Variants in CCDC178 observed in about 807,000 individuals in gnomAD.
CCDC178 encodes coiled-coil domain-containing protein 178.
Under a neutral mutation model 117.4 loss-of-function variants are expected in CCDC178, and 126 were observed. That is an observed-to-expected ratio of 1.07 (90% CI 0.93 to 1.24). The LOEUF (loss-of-function observed/expected upper bound fraction) is 1.24. CCDC178 is among the 50% of genes most tolerant of loss of function. The pLI, the probability that CCDC178 is intolerant of heterozygous loss-of-function variation, is 0.00. For synonymous variants in CCDC178, 283 were observed against 313.4 expected (o/e 0.90, Z 1.02); for missense variants, 1,030 against 986.9 (o/e 1.04, Z -0.59).
At chr18:33,173,107 T>C (rs190907051) in intron 20 of CCDC178, among the ~76,000 whole-genome samples, 2 of 152,294 alleles carry the variant, frequency 1.3e-5, no homozygotes, top group Admixed American at 1.3e-4. Flanking sequence ...TGGATTGCAG[T>C]GGCATGACCT....
At chr18:33,026,230 G>A (rs2037043601) in intron 21 of CCDC178, among the ~76,000 whole-genome samples, 1 of 152,020 alleles carries the variant, frequency 6.6e-6, no homozygotes, top group Non-Finnish European at 1.5e-5. Context: ...AGGAATGTGG[G>A]TGTGGTTATA....
chr18:33,050,957 G>T (rs921494752), intron 21 of CCDC178, among the ~76,000 whole-genome samples: 2 of 152,092 alleles, frequency 1.3e-5, no homozygotes, highest in African/African-American at 2.4e-5. Context: ...CTGTCACTGA[G>T]GCTAGAGTGC....
intron 21 of CCDC178, among the ~76,000 whole-genome samples, chr18:33,015,879 C>T (rs1017175087): frequency 3.3e-5 from 5 of 152,082 alleles, no homozygotes; most frequent in East Asian, 1.9e-4. Flanking sequence ...TGGAGGGGCT[C>T]AACAACAGAC....
intron 20 of CCDC178, among the ~76,000 whole-genome samples, chr18:33,156,641 C>CAAAAAAAAAAAAAAAAA (rs35712594): frequency 1.0e-5 from 1 of 99,242 alleles, no homozygotes; most frequent in African/African-American, 4.0e-5. Flanking sequence ...TCCTCCCTCT[C>CAAAAAAAAAAAAAAAAA]AAAAAAAAAA....
chr18:32,968,004 C>T (rs754603135), intron 22 of CCDC178, among the ~76,000 whole-genome samples: 1 of 151,654 alleles, frequency 6.6e-6, no homozygotes, highest in Non-Finnish European at 1.5e-5. Context: ...TTTGTGACAG[C>T]ACTCAAAAAC....
intron 5 of CCDC178, among the ~76,000 whole-genome samples, chr18:33,388,938 T>C (rs1304326601): frequency 3.3e-5 from 5 of 151,622 alleles, no homozygotes; most frequent in Non-Finnish European, 7.4e-5. Context: ...AGCTGAACAA[T>C]GAGAGCACGT....
intron 21 of CCDC178, among the ~76,000 whole-genome samples, chr18:33,016,880 G>T (rs2056002979): frequency 2.0e-5 from 3 of 151,410 alleles, no homozygotes; most frequent in South Asian, 2.1e-4. Context: ...GAAAAACTTA[G>T]CAAAATGACA....
In CCDC178 at chr18:33,365,781, TAAATA is replaced by T. The variant is rs141398068; in HGVS notation, c.348+4264_348+4268del. Among the ~76,000 whole-genome samples, 570 of 152,216 alleles carry T rather than the reference TAAATA, an allele frequency of 3.7e-3. 7 individuals are homozygous for T. Among genetic ancestry groups the T allele is most frequent in the African/African-American group, 0.013 (533 of 41,544 alleles). On this transcript the variant is annotated intron_variant, in intron 6 of 22. Transcript: ENST00000383096. ...TAATTCTGTAGTGCTCACTCTAAAT[TAAATA>T]AAACTATTTACAGTCTAGGCAGTCT...
intron 14 of CCDC178, among the ~76,000 whole-genome samples, chr18:33,250,755 C>T (rs997882050): frequency 6.6e-6 from 1 of 151,256 alleles, no homozygotes; most frequent in African/African-American, 2.4e-5. Flanking sequence ...AAACTATACC[C>T]GAAAAATTTC....
chr18:33,040,811 C>A (rs779288707), intron 21 of CCDC178, among the ~76,000 whole-genome samples: 1 of 151,868 alleles, frequency 6.6e-6, no homozygotes, highest in East Asian at 1.9e-4. Flanking sequence ...ACATGGTAAG[C>A]CTTTCCTGAG....
intron 21 of CCDC178, among the ~76,000 whole-genome samples, chr18:33,068,082 A>T (rs1236357284): frequency 6.6e-6 from 1 of 152,116 alleles, no homozygotes; most frequent in Non-Finnish European, 1.5e-5. Flanking sequence ...AAATGAATGA[A>T]TTCCTGGACA....
At chr18:33,044,512 C>T (rs1202310951) in intron 21 of CCDC178, among the ~76,000 whole-genome samples, 3 of 149,922 alleles carry the variant, frequency 2.0e-5, no homozygotes, top group African/African-American at 7.4e-5. Flanking sequence ...ATTAAAAAAA[C>T]AAACAAACAA....
At chr18:33,184,992 C>G (rs1478843906) in intron 20 of CCDC178, among the ~76,000 whole-genome samples, 1 of 151,848 alleles carries the variant, frequency 6.6e-6, no homozygotes, top group East Asian at 1.9e-4. Context: ...CTATACGAGA[C>G]CAAAAAGACT....
chr18:33,222,697 T>C (rs1342605250), intron 18 of CCDC178, among the ~76,000 whole-genome samples: 1 of 152,110 alleles, frequency 6.6e-6, no homozygotes, highest in African/African-American at 2.4e-5. Context: ...GCAATTCCCC[T>C]TTTCCTTCCT....
chr18:33,297,873 C>T (rs1003456247), intron 11 of CCDC178, among the ~76,000 whole-genome samples: 1 of 152,160 alleles, frequency 6.6e-6, no homozygotes, highest in African/African-American at 2.4e-5. Flanking sequence ...AACCCCGTCT[C>T]TACTAAAAAT....
intron 3 of CCDC178, among the ~76,000 whole-genome samples, chr18:33,401,119 T>C (rs1243223887): frequency 6.6e-6 from 1 of 152,170 alleles, no homozygotes; most frequent in Non-Finnish European, 1.5e-5. Context: ...TAGTTCATGT[T>C]ACACCAAAAC....
chr18:33,043,265 A>G (rs1332781720), intron 21 of CCDC178, among the ~76,000 whole-genome samples: 5 of 152,118 alleles, frequency 3.3e-5, no homozygotes. Context: ...AAAGGAACTA[A>G]TACTGAAGAA....
intron 3 of CCDC178, among the ~76,000 whole-genome samples, chr18:33,404,884 C>T (rs1266908699): frequency 6.6e-6 from 1 of 151,948 alleles, no homozygotes; most frequent in South Asian, 2.1e-4. Context: ...TTTATAAAAT[C>T]ATTGATATGA....
intron 11 of CCDC178, among the ~76,000 whole-genome samples, chr18:33,294,981 A>G (rs1005454139): frequency 6.6e-6 from 1 of 152,182 alleles, no homozygotes; most frequent in African/African-American, 2.4e-5. Flanking sequence ...CTGTTATTTT[A>G]AATTTCCTCA....
Sources: allele counts gnomAD v4.1 joint callset (sites outside exome capture counted in the v4.1 genomes callset), GRCh38; gene constraint gnomAD v4.1.1; transcripts MANE v1.5; gene names NCBI Gene and HGNC (gene_info 2026-07-23, HGNC 2026-07-21).